TJP3: variants seen among roughly 807,000 people sequenced by gnomAD.
TJP3 encodes the protein tight junction protein 3, also known as tight junction protein ZO-3.
TJP3 carries 85 observed loss-of-function variants against 104.2 expected under a neutral mutation model. That is an observed-to-expected ratio of 0.82 (90% CI 0.68 to 0.98). The LOEUF is 0.98. TJP3 is among the 50% of genes least tolerant of loss of function. The pLI is 0.00. For missense variants in TJP3, 1,367 were observed against 1,322.8 expected, an observed-to-expected ratio of 1.03 and a Z score of -0.52; for synonymous variants, 550 against 550.6, an observed-to-expected ratio of 1.00 and a Z score of 0.02.
At chr19:3,713,220 A>T (rs2036448897) in intron 1 of TJP3, among the ~76,000 whole-genome samples, 1 of 151,614 alleles carries the variant, frequency 6.6e-6, no homozygotes, top group Non-Finnish European at 1.5e-5. Context: ...CAACCCACAG[A>T]CCGGGGCGTC....
At chr19:3,741,688 C>T (rs1277916146) in intron 14 of TJP3, among the ~76,000 whole-genome samples, 1 of 150,004 alleles carries the variant, frequency 6.7e-6, no homozygotes, top group Non-Finnish European at 1.5e-5. Context: ...TACTTTTGGG[C>T]CTGGGTGCGG....
chr19:3,733,421 G>C (rs1021370879), intron 6 of TJP3, among the ~76,000 whole-genome samples: 1 of 152,146 alleles, frequency 6.6e-6, no homozygotes, highest in African/African-American at 2.4e-5. Context: ...TCTCCAGTTA[G>C]AGTTGTTTAT....
At chr19:3,711,712 G>T in intron 1 of TJP3, among the ~76,000 whole-genome samples, 1 of 56,130 alleles carries the variant, frequency 1.8e-5, no homozygotes, top group African/African-American at 6.6e-5. Flanking sequence ...CTAACATGGT[G>T]AAACCCTGTC....
intron 1 of TJP3, among the ~76,000 whole-genome samples, chr19:3,711,054 C>T (rs1465409739): frequency 3.1e-5 from 3 of 96,790 alleles, no homozygotes; most frequent in African/African-American, 7.4e-5. Flanking sequence ...CAGGCGCCCG[C>T]CACCACACCC....
chr19:3,727,119 C>T (rs1464933341), intron 1 of TJP3, among the ~76,000 whole-genome samples: 1 of 151,666 alleles, frequency 6.6e-6, no homozygotes, highest in East Asian at 1.9e-4. Context: ...CTTCATGGCT[C>T]TGTGCCTCAG....
Position 3,740,604 on chromosome 19 carries a change from C to T in TJP3, c.1684C>T (p.Pro562Ser). The T allele has an allele frequency of 6.4e-7, 1 of 1,559,228 alleles. No individual in the cohort carries two copies. Among genetic ancestry groups the T allele is most frequent in the Non-Finnish European group, 8.7e-7 (1 of 1,154,728 alleles). Residue 562 changes from proline to serine, a missense_variant, in exon 14 of 21, where the codon CCC becomes TCC. Pro to Ser is a moderately conservative substitution (Grantham distance 74). Transcript: ENST00000541714. Reference sequence around the variant, plus strand: ...TGCCCAGAGGGCCGTGGGAGTCGGGCCCGGCTCCTCCGCGGGCTCCAATGC... The same window carrying T: ...TGCCCAGAGGGCCGTGGGAGTCGGGTCCGGCTCCTCCGCGGGCTCCAATGC... ...EAAQRAVGVG[P>S]GSSAGSNARA...
chr19:3,727,474 ACT>A (rs1434997171), intron 1 of TJP3, among the ~76,000 whole-genome samples: 1 of 135,734 alleles, frequency 7.4e-6, no homozygotes, highest in Non-Finnish European at 1.6e-5. Flanking sequence ...CAAGAGCGAA[ACT>A]CTGTCTCAAA....
At chr19:3,710,356 C>T (rs946196838) in intron 1 of TJP3, among the ~76,000 whole-genome samples, 4 of 152,066 alleles carry the variant, frequency 2.6e-5, no homozygotes, top group South Asian at 4.1e-4. Context: ...CCGCTTACCC[C>T]GGGCCGCACA....
intron 19 of TJP3, chr19:3,749,558 C>CTGGT (rs1279012778): frequency 1.3e-5 from 2 of 152,544 alleles, no homozygotes; most frequent in Non-Finnish European, 2.9e-5. Context: ...GTTGCCCAGG[C>CTGGT]TGGTCTCTAA....
At chr19:3,728,101 G>A (rs995119748) in intron 1 of TJP3, among the ~76,000 whole-genome samples, 1 of 151,816 alleles carries the variant, frequency 6.6e-6, no homozygotes, top group Middle Eastern at 3.4e-3. Context: ...TTAGCCAGGT[G>A]TGGTGGTGCA....
intron 1 of TJP3, among the ~76,000 whole-genome samples, chr19:3,718,012 G>A (rs529895941): frequency 4.6e-5 from 7 of 151,170 alleles, no homozygotes; most frequent in African/African-American, 1.5e-4. Context: ...TCAGGAGTTT[G>A]AGACCATCCT....
In TJP3 at chr19:3,730,445, C is replaced by T. The variant is rs781610127; in HGVS notation, c.352C>T (p.Pro118Ser). The change falls in exon 5 of 21, where the codon CCC becomes TCC. Residue 118 changes from proline to serine, a missense_variant. Physicochemically the swap from Pro to Ser is moderately conservative, Grantham distance 74. Transcript: ENST00000541714. This position sits in a 1 kb window ranked among gnomAD's most constrained non-coding sequence, Gnocchi z 7.3. ...CCAGGACTCGGATGAAGACGATGGG[C>T]CCCAGCGGGTGGAGGAGGTGGACCA... ...GRQDSDEDDG[P>S]QRVEEVDQGR... 6.3e-7 allele frequency: 1 copy of T among 1,589,182 alleles called. No homozygotes were observed. The highest frequency in any genetic ancestry group is 1.3e-5 in the African/African-American group (1 of 74,364).
Position 3,746,705 on chromosome 19 carries a change from T to TG in TJP3, c.2221+13dup, listed in dbSNP as rs34272625. ...AGCCACCTCTTCACAGGTTGGGGGGTGGGTGTCCCAGGGTAGGCGGGTGGG... is the reference window on the plus strand; with the variant it reads ...AGCCACCTCTTCACAGGTTGGGGGGTGGGGTGTCCCAGGGTAGGCGGGTGGG... On this transcript the variant is annotated intron_variant, in intron 17 of 20. Transcript: ENST00000541714. This position sits in a 1 kb window ranked among gnomAD's most constrained non-coding sequence, Gnocchi z 4.1. 1 of 1,607,676 alleles carries TG rather than the reference T, an allele frequency of 6.2e-7. No individual in the cohort carries two copies.
At chr19:3,709,249 C>G (rs577005907) in intron 1 of TJP3, among the ~76,000 whole-genome samples, 2 of 152,180 alleles carry the variant, frequency 1.3e-5, no homozygotes, top group South Asian at 4.2e-4. Flanking sequence ...GCGCCCACCA[C>G]TATGCCCAGC....
At chr19:3,709,849 G>A (rs2036417505) in intron 1 of TJP3, among the ~76,000 whole-genome samples, 1 of 152,070 alleles carries the variant, frequency 6.6e-6, no homozygotes, top group Admixed American at 6.6e-5. Context: ...TTCCTGCTCT[G>A]TAAAATGGGG....
chr19:3,732,765 T>G (rs1265984683), intron 6 of TJP3, among the ~76,000 whole-genome samples: 1 of 152,138 alleles, frequency 6.6e-6, no homozygotes, highest in African/African-American at 2.4e-5. Context: ...CCGCTCGGCC[T>G]CCCAACGTGC....
chr19:3,722,577 G>A (rs1374591345), intron 1 of TJP3, among the ~76,000 whole-genome samples: 1 of 151,466 alleles, frequency 6.6e-6, no homozygotes. Flanking sequence ...CGCCGTGGCG[G>A]GGGCGGGGCG....
At chr19:3,745,123 A>G (rs2036868611) in intron 15 of TJP3, among the ~76,000 whole-genome samples, 1 of 146,030 alleles carries the variant, frequency 6.8e-6, no homozygotes, top group East Asian at 2.0e-4. Flanking sequence ...AAAAGATGCA[A>G]ATTTTATGTC....
Position 3,733,789 on chromosome 19 carries a change from G to T in TJP3, c.754G>T (p.Asp252Tyr). 6.2e-7 allele frequency: 1 copy of T among 1,614,166 alleles called. No homozygotes were observed. Among genetic ancestry groups the T allele is most frequent in the Non-Finnish European group, 8.5e-7 (1 of 1,180,038 alleles). Reference protein sequence around the residue: ...GVSSQNLSLNDTRRLIEKSEG... With the variant: ...GVSSQNLSLNYTRRLIEKSEG... ...GTCTAGCCAGAACCTGTCACTGAAC[G>T]ACACCCGGCGACTGATTGAGAAGTC... The change falls in exon 7 of 21, where the codon GAC becomes TAC. Residue 252 changes from aspartate (D) to tyrosine (Y), a missense_variant. By Grantham distance (160) the Asp-to-Tyr change is radical (BLOSUM62 -3). Transcript: ENST00000541714.
Sources: allele counts gnomAD v4.1 joint callset (sites outside exome capture counted in the v4.1 genomes callset), GRCh38; gene constraint gnomAD v4.1.1; non-coding constraint Gnocchi (gnomAD v3.1); transcripts MANE v1.5; gene names NCBI Gene and HGNC (gene_info 2026-07-23, HGNC 2026-07-21).